CACNB2: variants seen among roughly 807,000 people sequenced by gnomAD.
CACNB2 encodes the protein calcium voltage-gated channel auxiliary subunit beta 2.
Under a neutral mutation model 73.3 loss-of-function variants are expected in CACNB2, and 42 were observed. The ratio of observed to expected loss-of-function variants is 0.57; its 90% CI spans 0.45 to 0.74. CACNB2 has a LOEUF of 0.74. Among genes scored for constraint, CACNB2 ranks in the 30% least tolerant of loss-of-function variants. The pLI is 0.00. For missense variants in CACNB2, 940 were observed against 853.0 expected (o/e 1.10, Z -1.27); for synonymous variants, 348 against 310.3 (o/e 1.12, Z -1.28).
At chr10:18,474,001 C>T (rs1005267130) in intron 3 of CACNB2, among the ~76,000 whole-genome samples, 11 of 152,030 alleles carry the variant, frequency 7.2e-5, no homozygotes, top group South Asian at 6.2e-4. Context: ...TTTTAAAATG[C>T]GAGGGTTGGA....
At chr10:18,487,563 G>A (rs2049130044) in intron 3 of CACNB2, among the ~76,000 whole-genome samples, 2 of 152,244 alleles carry the variant, frequency 1.3e-5, no homozygotes, top group Admixed American at 6.5e-5. Context: ...GGAGGGGCGC[G>A]GTGGCTCACG....
chr10:18,464,418 T>TTAAA lies in CACNB2; in HGVS notation c.334-33937_334-33936insTAAA, dbSNP rs1360690647. 9.8e-4 allele frequency among the ~76,000 whole-genome samples: 84 copies of TTAAA among 85,292 alleles called. 5 individuals are homozygous for TTAAA. Among genetic ancestry groups the TTAAA allele is most frequent in the South Asian group, 3.7e-3 (7 of 1,888 alleles). The allele number at this position is 85,292 out of a possible 152,430, so 56.0% of individuals were successfully genotyped here. On this transcript the variant is annotated intron_variant, in intron 3 of 13. Coordinates refer to ENST00000324631, the MANE Select transcript of CACNB2 (RefSeq NM_201596.3). Reference sequence around the variant, plus strand: ...CAGAGTGAGACCCTGTCTCAAAAATTAAAAAAAAAAAAAAAAAAAAAAGAA... The same window carrying TTAAA: ...CAGAGTGAGACCCTGTCTCAAAAATTTAAAAAAAAAAAAAAAAAAAAAAAAAGAA...
At chr10:18,415,121 T>C (rs556958581) in intron 3 of CACNB2, among the ~76,000 whole-genome samples, 1 of 152,296 alleles carries the variant, frequency 6.6e-6, no homozygotes, top group Non-Finnish European at 1.5e-5. Context: ...CATGGTCTAA[T>C]GGTCATGCTA....
chr10:18,205,378 C>T (rs2035047403), intron 2 of CACNB2, among the ~76,000 whole-genome samples: 1 of 152,186 alleles, frequency 6.6e-6, no homozygotes, highest in African/African-American at 2.4e-5. Context: ...GCCCAGCGAG[C>T]ACTCGTAAAT....
chr10:18,430,031 A>G (rs1182183796), intron 3 of CACNB2, among the ~76,000 whole-genome samples: 2 of 152,096 alleles, frequency 1.3e-5, no homozygotes, highest in African/African-American at 4.8e-5. Flanking sequence ...ATTCGCAGAT[A>G]CATGAATGAG....
chr10:18,160,624 A>T (rs989336556), intron 2 of CACNB2, among the ~76,000 whole-genome samples: 6 of 152,324 alleles, frequency 3.9e-5, no homozygotes, highest in Admixed American at 3.9e-4. Flanking sequence ...GTTTCAGATG[A>T]ATCATAAACT....
intron 2 of CACNB2, among the ~76,000 whole-genome samples, chr10:18,358,342 A>G (rs896035934): frequency 2.4e-4 from 36 of 152,140 alleles, no homozygotes; most frequent in African/African-American, 8.7e-4. Flanking sequence ...CCCACCTCAG[A>G]CTCCCAGAGT....
intron 3 of CACNB2, among the ~76,000 whole-genome samples, chr10:18,419,398 A>G (rs2045194031): frequency 6.6e-6 from 1 of 152,212 alleles, no homozygotes; most frequent in African/African-American, 2.4e-5. Context: ...TATAATGTAC[A>G]CAACCATTCT....
intron 2 of CACNB2, among the ~76,000 whole-genome samples, chr10:18,305,815 G>A (rs926775128): frequency 1.3e-5 from 2 of 152,100 alleles, no homozygotes; most frequent in East Asian, 3.9e-4. Context: ...GGGTAACTGA[G>A]GAATTCTCAC....
intron 2 of CACNB2, among the ~76,000 whole-genome samples, chr10:18,282,196 G>C (rs2038583032): frequency 6.6e-6 from 1 of 152,064 alleles, no homozygotes; most frequent in Non-Finnish European, 1.5e-5. Flanking sequence ...TTCTGGGCTG[G>C]CTGGTGAAAA....
chr10:18,512,243 T>C (rs1355402146), intron 6 of CACNB2, among the ~76,000 whole-genome samples: 4 of 152,212 alleles, frequency 2.6e-5, no homozygotes, highest in Non-Finnish European at 5.9e-5. Context: ...CCACTCTGCC[T>C]CTTTTGTTAA....
chr10:18,428,889 A>G (rs1213744909), intron 3 of CACNB2, among the ~76,000 whole-genome samples: 1 of 152,196 alleles, frequency 6.6e-6, no homozygotes, highest in African/African-American at 2.4e-5. Flanking sequence ...TACTTGATTT[A>G]TATTTTTGCC....
At chr10:18,388,863 C>T (rs1161615552) in intron 2 of CACNB2, among the ~76,000 whole-genome samples, 4 of 152,098 alleles carry the variant, frequency 2.6e-5, no homozygotes, top group African/African-American at 9.7e-5. Context: ...TTACTTTGTT[C>T]TCTGTTTTTC....
At chr10:18,182,430 T>C (rs920111204) in intron 2 of CACNB2, among the ~76,000 whole-genome samples, 1 of 151,968 alleles carries the variant, frequency 6.6e-6, no homozygotes, top group Non-Finnish European at 1.5e-5. Context: ...TCAATAATAA[T>C]TCATTATGTT....
intron 3 of CACNB2, among the ~76,000 whole-genome samples, chr10:18,454,515 A>G (rs2047174014): frequency 6.6e-6 from 1 of 151,952 alleles, no homozygotes; most frequent in South Asian, 2.1e-4. Context: ...TTGTTTTTTT[A>G]CCCCCTAAGA....
intron 5 of CACNB2, among the ~76,000 whole-genome samples, chr10:18,504,697 T>G (rs887205304): frequency 6.6e-6 from 1 of 151,508 alleles, no homozygotes; most frequent in Non-Finnish European, 1.5e-5. Flanking sequence ...CAGGCTGGAG[T>G]GCAGTGGCGC....
intron 2 of CACNB2, among the ~76,000 whole-genome samples, chr10:18,186,434 A>C (rs955426633): frequency 6.6e-6 from 1 of 152,036 alleles, no homozygotes; most frequent in African/African-American, 2.4e-5. Context: ...AAAAAAAGAA[A>C]GAAAGAAATA....
chr10:18,189,234 G>A (rs774097533), intron 2 of CACNB2, among the ~76,000 whole-genome samples: 3 of 152,022 alleles, frequency 2.0e-5, no homozygotes, highest in Non-Finnish European at 2.9e-5. Flanking sequence ...GGCTTTCAGG[G>A]CTCTTAAACG....
chr10:18,496,251 C>T (rs1338319319), intron 3 of CACNB2, among the ~76,000 whole-genome samples: 1 of 151,820 alleles, frequency 6.6e-6, no homozygotes, highest in African/African-American at 2.4e-5. Flanking sequence ...TTAACTCCAC[C>T]TCATGTCTAT....
Sources: gnomAD v4.1 joint callset for allele counts (sites outside exome capture counted in the v4.1 genomes callset) on GRCh38, gnomAD v4.1.1 for gene constraint, MANE v1.5 for transcripts, NCBI Gene and HGNC (gene_info 2026-07-23, HGNC 2026-07-21) for gene names.